The following SLC4A7 variants were observed in gnomAD, a reference collection of about 807,000 sequenced individuals.
SLC4A7 encodes the protein solute carrier family 4 member 7.
In SLC4A7, 51 loss-of-function variants were observed where a neutral mutation model predicts 137.6. The observed-to-expected ratio is 0.37, with a 90% CI of 0.30 to 0.47. The LOEUF is 0.47. SLC4A7 is among the 20% of genes least tolerant of loss of function. The pLI, the probability that SLC4A7 is intolerant of heterozygous loss-of-function variation, is 1.00. For missense variants in SLC4A7, 1,247 were observed against 1,525.4 expected, an observed-to-expected ratio of 0.82 and a Z score of 3.04; for synonymous variants, 542 against 518.6, an observed-to-expected ratio of 1.05 and a Z score of -0.61.
At chr3:27,460,281 C>T (rs1159290584) in intron 1 of SLC4A7, among the ~76,000 whole-genome samples, 2 of 152,060 alleles carry the variant, frequency 1.3e-5, no homozygotes, top group Non-Finnish European at 2.9e-5. Flanking sequence ...AGATAACCAC[C>T]CACCTGGGCC....
chr3:27,437,277 G>A, intron 4 of SLC4A7, 111 bp downstream of exon 4: 1 of 525,500 alleles, frequency 1.9e-6, no homozygotes, highest in Non-Finnish European at 3.0e-6. Context: ...CTTGAACCTG[G>A]GAGGCAGAAG....
chr3:27,383,328 A>G, intron 23 of SLC4A7, 78 bp from the exon 24 acceptor site: 1 of 1,046,820 alleles, frequency 9.6e-7, no homozygotes, highest in Non-Finnish European at 1.4e-6. Context: ...AACATTTTAC[A>G]GACTTAGAAA....
chr3:27,453,380 C>G (rs1186371985), intron 1 of SLC4A7, among the ~76,000 whole-genome samples: 1 of 152,108 alleles, frequency 6.6e-6, no homozygotes, highest in Non-Finnish European at 1.5e-5. Flanking sequence ...TTTGGGAGGC[C>G]AAGGTGGGCA....
chr3:27,473,656 C>T (rs188954977), intron 1 of SLC4A7, among the ~76,000 whole-genome samples: 134 of 140,860 alleles, frequency 9.5e-4, no homozygotes, highest in African/African-American at 2.9e-3. Flanking sequence ...TGTAGTGAGC[C>T]GAGATCATAT....
chr3:27,450,769 A>C (rs775777702), intron 2 of SLC4A7, among the ~76,000 whole-genome samples: 5 of 152,016 alleles, frequency 3.3e-5, no homozygotes, highest in Non-Finnish European at 5.9e-5. Context: ...CCTCTGTTTT[A>C]ATCTTTTTCT....
intron 2 of SLC4A7, 59 bp from the exon 3 acceptor site, chr3:27,448,856 A>T: frequency 1.5e-6 from 2 of 1,292,414 alleles, no homozygotes; most frequent in South Asian, 3.0e-5. Context: ...AGTGATATAT[A>T]CAAAAGTACT....
chr3:27,401,968 G>A (rs2052789284), intron 15 of SLC4A7, among the ~76,000 whole-genome samples: 1 of 152,190 alleles, frequency 6.6e-6, no homozygotes, highest in South Asian at 2.1e-4. Flanking sequence ...ATAGGTCAAT[G>A]TCTTCCAGGA....
At chr3:27,416,856 C>T (rs1185824949) in intron 11 of SLC4A7, among the ~76,000 whole-genome samples, 5 of 152,164 alleles carry the variant, frequency 3.3e-5, no homozygotes, top group African/African-American at 9.7e-5. Flanking sequence ...GTGAGAGACA[C>T]TCCATGTTTT....
chr3:27,434,352 A>G (rs570172817), intron 5 of SLC4A7, among the ~76,000 whole-genome samples: 1 of 152,306 alleles, frequency 6.6e-6, no homozygotes, highest in East Asian at 1.9e-4. Flanking sequence ...TAGCCTTCCT[A>G]TAGCTGAAAG....
chr3:27,436,623 C>T, intron 4 of SLC4A7, 75 bp from the exon 5 acceptor site: 2 of 799,096 alleles, frequency 2.5e-6, no homozygotes, highest in Non-Finnish European at 3.7e-6. Context: ...GATAAAGAAA[C>T]ATTTGTTCTT....
rs1355783095 is a variant in SLC4A7 at position 27,389,992 on chromosome 3, G to A, written c.3299C>T (p.Thr1100Ile). ...TATCACCCATAAAAGGACCAAACAA[G>A]TAAGCTGAATGACTGTGAAAATATG... Reference protein sequence around the residue: ...KVHIFTVIQLTCLVLLWVIKV... With the variant: ...KVHIFTVIQLICLVLLWVIKV... Residue 1100 changes from threonine (T) to isoleucine (I), a missense_variant, in exon 22 of 26, where the codon ACT (threonine) becomes ATT (isoleucine). Coordinates refer to ENST00000454389, the MANE Select transcript of SLC4A7 (RefSeq NM_001321103.2). The A allele has an allele frequency of 1.2e-6, 2 of 1,613,770 alleles. No homozygotes were observed. Among genetic ancestry groups the A allele is most frequent in the Non-Finnish European group, 1.7e-6 (2 of 1,179,882 alleles).
chr3:27,386,127 A>T, intron 22 of SLC4A7, 104 bp from the exon 23 acceptor site: 1 of 848,202 alleles, frequency 1.2e-6, no homozygotes, highest in Non-Finnish European at 1.8e-6. Flanking sequence ...TGCTTCATAT[A>T]GTTTAAAAAT....
At chr3:27,429,786 C>T (rs951770380) in intron 7 of SLC4A7, among the ~76,000 whole-genome samples, 9 of 151,844 alleles carry the variant, frequency 5.9e-5, no homozygotes, top group African/African-American at 1.7e-4. Flanking sequence ...GGAGGCGAGG[C>T]TGCAGTGAAC....
intron 21 of SLC4A7, among the ~76,000 whole-genome samples, chr3:27,391,513 A>T (rs1483326010): frequency 6.6e-6 from 1 of 152,162 alleles, no homozygotes; most frequent in Non-Finnish European, 1.5e-5. Flanking sequence ...ATTGGCTTCA[A>T]TTAAAAACAG....
intron 3 of SLC4A7, among the ~76,000 whole-genome samples, chr3:27,447,800 A>G (rs2057775319): frequency 6.6e-6 from 1 of 152,114 alleles, no homozygotes; most frequent in African/African-American, 2.4e-5. Flanking sequence ...GTAACAAACA[A>G]AAAAACCCTG....
In SLC4A7 at chr3:27,448,658, A is replaced by G. The variant is rs1293273210; in HGVS notation, c.282T>C (p.Pro94=). 1 of 1,610,456 alleles carries G rather than the reference A, an allele frequency of 6.2e-7. No individual in the cohort carries two copies. The highest frequency in any genetic ancestry group is 2.2e-5 in the East Asian group (1 of 44,846). The change falls in exon 3 of 26, where the codon CCT becomes CCC. Residue 94 remains proline (P), a synonymous_variant. Transcript: ENST00000454389. ...AGAACTGTTTTCTCTTACCATAAGA[A>G]GGAGATTCCCGTCCATCTTCTTTAT... ...ESDKEDGRES[P]SYDTPSQRVQ...
At position 27,376,445 on chromosome 3, in the gene SLC4A7, G is replaced by T; in HGVS notation, c.*319C>A. ...ACAAAGTATCACTTAAGGTTTTTAC[G>T]AATTGCCACTGATGAACAGAGATTT... On this transcript the variant is annotated 3_prime_UTR_variant, in exon 26 of 26. Coordinates refer to ENST00000454389, the MANE Select transcript of SLC4A7 (RefSeq NM_001321103.2). 1 of 177,212 alleles carries T rather than the reference G, an allele frequency of 5.6e-6. No homozygotes were observed. The highest frequency in any genetic ancestry group is 1.2e-5 in the Non-Finnish European group (1 of 84,970). 11.0% of individuals were successfully genotyped at this position (177,212 alleles called of 1,614,324 possible).
intron 7 of SLC4A7, chr3:27,428,329 C>G (rs984032152): frequency 6.5e-6 from 1 of 154,230 alleles, no homozygotes; most frequent in African/African-American, 2.4e-5. Flanking sequence ...CACTGAAAAA[C>G]AGGAATAACA....
At chr3:27,426,534 C>A (rs563364813) in intron 7 of SLC4A7, among the ~76,000 whole-genome samples, 1 of 152,212 alleles carries the variant, frequency 6.6e-6, no homozygotes, top group East Asian at 1.9e-4. Context: ...CAAAAGCATA[C>A]ATAACGCACA....
Sources: gnomAD v4.1 joint callset for allele counts (sites outside exome capture counted in the v4.1 genomes callset) on GRCh38, gnomAD v4.1.1 for gene constraint, MANE v1.5 for transcripts, NCBI Gene and HGNC (gene_info 2026-07-23, HGNC 2026-07-21) for gene names.